The following GAREM1 variants were observed in gnomAD, a reference collection of about 807,000 sequenced individuals.
The protein encoded by GAREM1 is GRB2 associated regulator of MAPK1 subtype 1, also known as GRB2-associated and regulator of MAPK protein 1.
GAREM1 carries 26 observed loss-of-function variants against 71.3 expected under a neutral mutation model. That is an observed-to-expected ratio of 0.36 (90% CI 0.27 to 0.51). The LOEUF is 0.51. Among genes scored for constraint, GAREM1 ranks in the 20% least tolerant of loss-of-function variants. The probability of loss-of-function intolerance (pLI) is 0.95; values close to 1 mark genes in which losing one functional copy is unlikely to be tolerated. For synonymous variants in GAREM1, 440 were observed against 433.2 expected, an observed-to-expected ratio of 1.02 and a Z score of -0.20; for missense variants, 1,026 against 1,103.1, an observed-to-expected ratio of 0.93 and a Z score of 0.99.
intron 1 of GAREM1, chr18:32,412,051 G>T: frequency 1.4e-6 from 1 of 690,658 alleles, no homozygotes; most frequent in South Asian, 1.5e-5. Context: ...CACAGTCCTC[G>T]AGTTTTTTGC....
chr18:32,267,730 G>A lies in GAREM1; in HGVS notation c.*141C>T, dbSNP rs527343774. On this transcript the variant is annotated 3_prime_UTR_variant, in exon 6 of 6. Transcript: ENST00000269209. ...AATAGCCTGTTCACCATTCAAAAACGTAATCTGCATAGTAAGAGTTTCTCT... is the reference window on the plus strand; with the variant it reads ...AATAGCCTGTTCACCATTCAAAAACATAATCTGCATAGTAAGAGTTTCTCT... The A allele has an allele frequency of 3.7e-5, 24 of 649,106 alleles. No individual in the cohort carries two copies. Among genetic ancestry groups the A allele is most frequent in the African/African-American group, 9.1e-5 (5 of 54,858 alleles). 40.2% of individuals were successfully genotyped at this position (649,106 alleles called of 1,614,324 possible).
In GAREM1 at chr18:32,470,444, C is replaced by T. The variant is rs1383843346; in HGVS notation, c.-16G>A. The stretch of plus-strand genomic sequence containing the variant: ...CCGGGTCCATCTTCCCCGAAGCCTC[C>T]TGTCCCGCGCTCCCCCGCCGCCGCC... On this transcript the variant is annotated 5_prime_UTR_variant, in exon 1 of 6. Transcript: ENST00000269209. This position sits in a 1 kb window ranked among gnomAD's most constrained non-coding sequence, Gnocchi z 4.4. 31 of 1,358,014 alleles carry T rather than the reference C, an allele frequency of 2.3e-5. No homozygotes were observed. Among genetic ancestry groups the T allele is most frequent in the Non-Finnish European group, 2.9e-5 (30 of 1,040,840 alleles). The allele number at this position is 1,358,014 out of a possible 1,614,324, so 84.1% of individuals were successfully genotyped here.
At chr18:32,434,942 T>C (rs1440137280) in intron 1 of GAREM1, among the ~76,000 whole-genome samples, 1 of 152,134 alleles carries the variant, frequency 6.6e-6, no homozygotes. Context: ...ATAAGGAAAG[T>C]TAACATCACC....
In GAREM1 at chr18:32,352,479, G is replaced by C. The variant is rs112122023; in HGVS notation, c.262+40416C>G. On this transcript the variant is annotated intron_variant, in intron 2 of 5. Coordinates refer to ENST00000269209, the MANE Select transcript of GAREM1 (RefSeq NM_001242409.2). ...TGTGGATGCCATGAGAGGGGATGGAGAGTAGCCTATAAGAGGGCCACAGTT... is the reference window on the plus strand; with the variant it reads ...TGTGGATGCCATGAGAGGGGATGGACAGTAGCCTATAAGAGGGCCACAGTT... Among the ~76,000 whole-genome samples, 578 of 152,252 alleles carry C rather than the reference G, an allele frequency of 3.8e-3. 1 individual carries two copies. Among genetic ancestry groups the C allele is most frequent in the Non-Finnish European group, 5.3e-3 (358 of 68,014 alleles).
chr18:32,363,995 C>CAT (rs766095412), intron 2 of GAREM1, among the ~76,000 whole-genome samples: 539 of 21,260 alleles, frequency 0.025, 27 homozygotes, highest in African/African-American at 0.052. Flanking sequence ...TACATATATA[C>CAT]ATATATATAT....
intron 1 of GAREM1, among the ~76,000 whole-genome samples, chr18:32,436,371 G>A (rs2048678729): frequency 6.6e-6 from 1 of 152,198 alleles, no homozygotes; most frequent in Admixed American, 6.5e-5. Flanking sequence ...CCAGTTGTGT[G>A]TGTGTGTATG....
At chr18:32,328,442 A>G (rs2047494413) in intron 2 of GAREM1, among the ~76,000 whole-genome samples, 1 of 152,312 alleles carries the variant, frequency 6.6e-6, no homozygotes, top group Admixed American at 6.5e-5. Context: ...TTCAGCAGTT[A>G]CACTGTATTT....
chr18:32,337,569 G>A (rs1428265848), intron 2 of GAREM1, among the ~76,000 whole-genome samples: 1 of 152,198 alleles, frequency 6.6e-6, no homozygotes, highest in Non-Finnish European at 1.5e-5. Context: ...AGAAGGACAA[G>A]CTCTGCTGCC....
intron 3 of GAREM1, among the ~76,000 whole-genome samples, chr18:32,292,250 G>GA (rs2047094924): frequency 6.6e-6 from 1 of 151,874 alleles, no homozygotes; most frequent in Non-Finnish European, 1.5e-5. Flanking sequence ...CAGTGATGAT[G>GA]ATTTTTTTTT....
chr18:32,364,026 A>ATATATATATATATATATTTTTTTTTTTTT (rs1336753011), intron 2 of GAREM1, among the ~76,000 whole-genome samples: 3 of 46,414 alleles, frequency 6.5e-5, no homozygotes, highest in Admixed American at 2.2e-4. Context: ...ATATATATAT[A>ATATATATATATATATATTTTTTTTTTTTT]TGTTTTTTTT....
chr18:32,467,009 G>A lies in GAREM1; in HGVS notation c.121+3299C>T, dbSNP rs1199633721. 4.6e-5 allele frequency among the ~76,000 whole-genome samples: 7 copies of A among 152,160 alleles called. No individual in the cohort carries two copies. In the East Asian group the frequency reaches 1.4e-3, roughly 29 times the overall value. On this transcript the variant is annotated intron_variant, in intron 1 of 5. Transcript: ENST00000269209. ...AATATTGAACACATCTATCTACCTG[G>A]CACTTCAGGAGTGGCATGTATAATG...
Position 32,264,274 on chromosome 18 carries a change from C to G in GAREM1, c.*3597G>C, listed in dbSNP as rs1339658475. The G allele has an allele frequency of 6.6e-6, 1 of 152,178 alleles. No individual in the cohort carries two copies. Among genetic ancestry groups the G allele is most frequent in the Non-Finnish European group, 1.5e-5 (1 of 68,030 alleles). The allele number at this position is 152,178 out of a possible 1,614,324, so 9.4% of individuals were successfully genotyped here. On this transcript the variant is annotated 3_prime_UTR_variant, in exon 6 of 6. Coordinates refer to ENST00000269209, the MANE Select transcript of GAREM1 (RefSeq NM_001242409.2). ...ACGTCCAACAACAGATTTAACTTTT[C>G]TGGTAGACTGAAATTAAAATTTCCT...
intron 4 of GAREM1, among the ~76,000 whole-genome samples, chr18:32,276,103 A>G (rs922212427): frequency 6.6e-6 from 1 of 152,260 alleles, no homozygotes; most frequent in Non-Finnish European, 1.5e-5. Flanking sequence ...GCTAAACAGA[A>G]AGCTCATTTA....
At chr18:32,285,978 A>C (rs930064716) in intron 4 of GAREM1, among the ~76,000 whole-genome samples, 7 of 152,202 alleles carry the variant, frequency 4.6e-5, no homozygotes, top group Non-Finnish European at 1.0e-4. Flanking sequence ...GTAGGTTTTG[A>C]TTTGAACTCT....
chr18:32,341,201 T>C (rs2047644167), intron 2 of GAREM1, among the ~76,000 whole-genome samples: 1 of 152,154 alleles, frequency 6.6e-6, no homozygotes, highest in Non-Finnish European at 1.5e-5. Flanking sequence ...ATTGTTCAAT[T>C]CCCACCTGTG....
intron 2 of GAREM1, among the ~76,000 whole-genome samples, chr18:32,339,789 C>T (rs953799317): frequency 1.3e-5 from 2 of 152,182 alleles, no homozygotes; most frequent in Admixed American, 6.5e-5. Context: ...AAACCGGGAA[C>T]GCGGAAGTCA....
At chr18:32,420,645 C>T (rs750603408) in intron 1 of GAREM1, among the ~76,000 whole-genome samples, 13 of 151,896 alleles carry the variant, frequency 8.6e-5, no homozygotes, top group Non-Finnish European at 1.5e-4. Flanking sequence ...GACGCAGTGG[C>T]TCATGCCTGT....
intron 3 of GAREM1, among the ~76,000 whole-genome samples, chr18:32,305,073 G>T (rs1345074414): frequency 1.3e-5 from 2 of 151,922 alleles, no homozygotes; most frequent in African/African-American, 4.8e-5. Context: ...CCACAAATAT[G>T]CAGGAAAACA....
At chr18:32,356,925 A>G (rs111240644) in intron 2 of GAREM1, among the ~76,000 whole-genome samples, 114 of 152,192 alleles carry the variant, frequency 7.5e-4, no homozygotes, top group African/African-American at 2.5e-3. Flanking sequence ...ATGGCTTTCC[A>G]TTGTATGTAT....
Sources: gnomAD v4.1 joint callset for allele counts (sites outside exome capture counted in the v4.1 genomes callset) on GRCh38, gnomAD v4.1.1 for gene constraint, Gnocchi (gnomAD v3.1) non-coding constraint, MANE v1.5 for transcripts, NCBI Gene and HGNC (gene_info 2026-07-23, HGNC 2026-07-21) for gene names.